The following TRMO variants were observed in gnomAD, a reference collection of about 807,000 sequenced individuals.
TRMO encodes the protein tRNA methyltransferase O, also known as tRNA (adenine(37)-N6)-methyltransferase.
TRMO carries 30 observed loss-of-function variants against 37.2 expected under a neutral mutation model. The ratio of observed to expected loss-of-function variants is 0.81; its 90% CI spans 0.60 to 1.09. The LOEUF is 1.09. Among genes scored for constraint, TRMO ranks in the 50% least tolerant of loss-of-function variants. The pLI, the probability that TRMO is intolerant of heterozygous loss-of-function variation, is 0.00. For synonymous variants in TRMO, 239 were observed against 199.4 expected (o/e 1.20, Z -1.67); for missense variants, 552 against 549.5 (o/e 1.00, Z -0.05).
intron 3 of TRMO, chr9:97,912,880 A>G (rs1342665079): frequency 1.0e-5 from 13 of 1,293,404 alleles, no homozygotes; most frequent in African/African-American, 1.5e-5. Flanking sequence ...AACCTGACCA[A>G]TGTTTGTCCT....
intron 1 of TRMO, among the ~76,000 whole-genome samples, chr9:97,917,845 A>ATTT (rs112794003): frequency 7.4e-6 from 1 of 134,294 alleles, no homozygotes; most frequent in Admixed American, 7.5e-5. Context: ...TGCCCATCTA[A>ATTT]TTTTTTTTTT....
In TRMO at chr9:97,922,475, A is replaced by C. The variant is rs3183927; in HGVS notation, c.19T>G (p.Ser7Ala). ...GGGGTCGCTGTAGGCCGAGGCCCCG[A>C]CTCCTCCAAGCCGCGCATGGCTACT... MRGLEE[S>A]GPRPTATPCG... Residue 7 changes from serine to alanine, a missense_variant, in exon 1 of 5, where the codon TCG (serine) becomes GCG (alanine). Physicochemically the swap from Ser to Ala is moderately conservative, Grantham distance 99. Coordinates refer to ENST00000375119, the MANE Select transcript of TRMO (RefSeq NM_016481.5). 3 of 1,580,210 alleles carry C rather than the reference A, an allele frequency of 1.9e-6. No individual in the cohort carries two copies. Among genetic ancestry groups the C allele is most frequent in the Non-Finnish European group, 2.6e-6 (3 of 1,164,560 alleles).
intron 1 of TRMO, among the ~76,000 whole-genome samples, chr9:97,920,124 A>C (rs1375181133): frequency 3.5e-4 from 54 of 152,170 alleles, no homozygotes; most frequent in Non-Finnish European, 4.4e-5. Context: ...AACAACAAAA[A>C]CCCAAAAGAA....
the TRMO span, among the ~76,000 whole-genome samples, chr9:97,897,294 C>T: frequency 1.3e-5 from 2 of 152,166 alleles, no homozygotes; most frequent in Non-Finnish European, 2.9e-5. Flanking sequence ...GAACTCACAA[C>T]GAGTTTCAGA....
intron 1 of TRMO, among the ~76,000 whole-genome samples, chr9:97,920,792 C>A (rs1276958173): frequency 6.6e-6 from 1 of 152,172 alleles, no homozygotes; most frequent in Non-Finnish European, 1.5e-5. Flanking sequence ...AAGTTCTTCC[C>A]CTTCTCAAAA....
intron 1 of TRMO, among the ~76,000 whole-genome samples, chr9:97,918,645 T>C (rs754304187): frequency 6.6e-6 from 1 of 152,216 alleles, no homozygotes; most frequent in Admixed American, 6.5e-5. Context: ...TCTGGGGCTG[T>C]CCCTCACAGT....
At chr9:97,913,088 T>C in intron 3 of TRMO, 1 of 504,562 alleles carries the variant, frequency 2.0e-6, no homozygotes, top group Admixed American at 2.8e-5. Context: ...TCATTTTGTA[T>C]TTACTGCATT....
At chr9:97,909,777 C>T (rs143112291) in intron 4 of TRMO, among the ~76,000 whole-genome samples, 183 bp downstream of exon 4, 3 of 152,326 alleles carry the variant, frequency 2.0e-5, no homozygotes, top group African/African-American at 7.2e-5. Flanking sequence ...ACTGTGCTGA[C>T]CACACAGTTG....
chr9:97,914,757 T>C (rs1303680167), intron 2 of TRMO, among the ~76,000 whole-genome samples: 1 of 152,122 alleles, frequency 6.6e-6, no homozygotes, highest in Non-Finnish European at 1.5e-5. Context: ...AACATACTTT[T>C]TTAAAAAAAG....
chr9:97,909,099 C>A (rs1026942250), intron 4 of TRMO, among the ~76,000 whole-genome samples: 1 of 152,110 alleles, frequency 6.6e-6, no homozygotes, highest in African/African-American at 2.4e-5. Context: ...AAATTACAGG[C>A]ACCTGCCACC....
chr9:97,912,089 T>G (rs964713609), intron 3 of TRMO: 1 of 152,222 alleles, frequency 6.6e-6, no homozygotes. Context: ...TATCTAATCT[T>G]AAAGAGCCCT....
At chr9:97,899,430 G>T in the TRMO span, among the ~76,000 whole-genome samples, 25,123 of 149,408 alleles carry the variant, frequency 0.17, 2,718 homozygotes, top group Non-Finnish European at 0.24. Flanking sequence ...TTTTATGTAC[G>T]TATTTATTTA....
chr9:97,901,825 C>G (rs1355593329), downstream of TRMO, among the ~76,000 whole-genome samples: 1 of 151,648 alleles, frequency 6.6e-6, no homozygotes, highest in African/African-American at 2.4e-5. Flanking sequence ...AGACAGACAG[C>G]TTGTTTCAAA....
the TRMO span, among the ~76,000 whole-genome samples, chr9:97,898,990 T>TCAC: frequency 1.3e-5 from 2 of 151,486 alleles, no homozygotes; most frequent in East Asian, 3.9e-4. Flanking sequence ...CAGGCGCCTG[T>TCAC]CACCACACCC....
the TRMO span, among the ~76,000 whole-genome samples, chr9:97,898,369 T>C: frequency 6.6e-6 from 1 of 152,100 alleles, no homozygotes; most frequent in East Asian, 1.9e-4. Context: ...AGGGTCTTTG[T>C]CGCCCAGGCT....
At chr9:97,908,187 G>T (rs1051313349) in intron 4 of TRMO, among the ~76,000 whole-genome samples, 6 of 152,048 alleles carry the variant, frequency 3.9e-5, no homozygotes, top group African/African-American at 7.2e-5. Context: ...CCAAGGCGGG[G>T]GAATCACAAG....
intron 4 of TRMO, among the ~76,000 whole-genome samples, chr9:97,906,760 T>C (rs1249880063): frequency 6.6e-6 from 1 of 150,470 alleles, no homozygotes; most frequent in Non-Finnish European, 1.5e-5. Flanking sequence ...GAGAATCGCT[T>C]GAACCCGGGA....
intron 4 of TRMO, 53 bp downstream of exon 4, chr9:97,909,907 A>G: frequency 7.2e-7 from 1 of 1,390,830 alleles, no homozygotes; most frequent in Non-Finnish European, 9.8e-7. Context: ...AAACTTGGCT[A>G]AATCTCAAAG....
At chr9:97,905,745 G>T (rs1387143867) in intron 4 of TRMO, among the ~76,000 whole-genome samples, 1 of 152,144 alleles carries the variant, frequency 6.6e-6, no homozygotes, top group Non-Finnish European at 1.5e-5. Context: ...GGTGGCAGTG[G>T]ATCTTTATCC....
Sources: allele counts gnomAD v4.1 joint callset (sites outside exome capture counted in the v4.1 genomes callset), GRCh38; gene constraint gnomAD v4.1.1; transcripts MANE v1.5; gene names NCBI Gene and HGNC (gene_info 2026-07-23, HGNC 2026-07-21).